OVCH1: variants seen among roughly 807,000 people sequenced by gnomAD.
OVCH1 encodes the protein ovochymase 1.
A neutral mutation model predicts 138.4 loss-of-function variants in OVCH1; 139 were observed. The ratio of observed to expected loss-of-function variants is 1.00; its 90% confidence interval spans 0.87 to 1.16. OVCH1 has a LOEUF of 1.16. Among genes scored for constraint, OVCH1 ranks in the 50% most tolerant of loss-of-function variants. OVCH1 has a pLI of 0.00. For missense variants in OVCH1, 1,367 were observed against 1,357.9 expected (o/e 1.01, Z -0.11); for synonymous variants, 453 against 467.8 (o/e 0.97, Z 0.41).
chr12:29,496,402 G>T lies in OVCH1; in HGVS notation c.184-124C>A. 5 of 1,122,724 alleles carry T rather than the reference G, an allele frequency of 4.5e-6. No individual in the cohort carries two copies. The Admixed American group carries it at 6.7e-5, about 15-fold the overall frequency. 69.5% of individuals were successfully genotyped at this position (1,122,724 alleles called of 1,614,324 possible). A position where few individuals can be genotyped will look rare whatever the true frequency, so the allele number is the denominator to read the frequency against. On this transcript the variant is annotated intron_variant, in intron 2 of 27. Transcript: ENST00000318184. ...ATTCTTAAAATACCGACATAAATTG[G>T]ATAGTAAGATAGTTCCTACGAAGTA...
intron 12 of OVCH1, among the ~76,000 whole-genome samples, chr12:29,476,787 A>G (rs937326954): frequency 2.9e-4 from 40 of 137,074 alleles, no homozygotes; most frequent in Admixed American, 2.1e-3. Context: ...ACACACACAC[A>G]CACACACACA....
intron 22 of OVCH1, among the ~76,000 whole-genome samples, chr12:29,448,383 G>T (rs1941676748): frequency 6.6e-6 from 1 of 151,800 alleles, no homozygotes; most frequent in Non-Finnish European, 1.5e-5. Flanking sequence ...GAACTGAGAA[G>T]TCTGGAGGCA....
rs147285692 is a variant in OVCH1 at position 29,474,108 on chromosome 12, TATA to T, written c.1600+950_1600+952del. Reference sequence around the variant, plus strand: ...ACACACACACACACACACACACATATATATATCTGTCCCTCTAAGAGAACCCTG... The same window carrying T: ...ACACACACACACACACACACACATATTATCTGTCCCTCTAAGAGAACCCTG... On this transcript the variant is annotated intron_variant, in intron 14 of 27. Coordinates refer to ENST00000318184, the Ensembl canonical transcript of OVCH1. Among the ~76,000 whole-genome samples the T allele has an allele frequency of 2.6e-4, 34 of 129,512 alleles. No homozygotes were observed. In the East Asian group the frequency reaches 4.6e-3, roughly 18 times the overall value. The allele number at this position is 129,512 out of a possible 152,430, so 85.0% of individuals were successfully genotyped here.
chr12:29,423,127 C>T, downstream of OVCH1: 1 of 425,498 alleles, frequency 2.4e-6, no homozygotes, highest in South Asian at 1.7e-5. Flanking sequence ...AATTACTTAC[C>T]ACTGATAGGA....
chr12:29,415,774 C>G (rs1036104779), intron 3 of OVCH1, among the ~76,000 whole-genome samples: 2 of 152,120 alleles, frequency 1.3e-5, no homozygotes, highest in Non-Finnish European at 2.9e-5. Flanking sequence ...AAAATCACAG[C>G]AAGGGCTGTT....
downstream of OVCH1, among the ~76,000 whole-genome samples, chr12:29,424,152 A>G (rs535020290): frequency 9.2e-5 from 14 of 152,338 alleles, no homozygotes; most frequent in African/African-American, 3.1e-4. Context: ...CATTGTTTCT[A>G]TAGATTATAG....
intron 16 of OVCH1, among the ~76,000 whole-genome samples, chr12:29,471,540 A>G (rs990540014): frequency 1.9e-4 from 29 of 152,236 alleles, no homozygotes; most frequent in African/African-American, 6.3e-4. Context: ...ACTACAGTAC[A>G]TTTAGACCAG....
intron 8 of OVCH1, among the ~76,000 whole-genome samples, chr12:29,483,099 T>TC (rs1428422539): frequency 6.6e-6 from 1 of 152,200 alleles, no homozygotes; most frequent in East Asian, 1.9e-4. Context: ...TCCCTCCTCC[T>TC]CTTCAGTCTT....
Position 29,475,199 on chromosome 12 carries a change from T to G in OVCH1, c.1472-10A>C. On this transcript the variant is annotated splice_polypyrimidine_tract_variant and intron_variant, in intron 13 of 27. Coordinates refer to ENST00000318184, the Ensembl canonical transcript of OVCH1. Reference sequence around the variant, plus strand: ...ATTCCACAAAGTTTAGCTGAAAAAATTTTAGGAAAGTTTGATTTATAGTTA... The same window carrying G: ...ATTCCACAAAGTTTAGCTGAAAAAAGTTTAGGAAAGTTTGATTTATAGTTA... 7.0e-7 allele frequency: 1 copy of G among 1,427,398 alleles called. No homozygotes were observed. Among genetic ancestry groups the G allele is most frequent in the Non-Finnish European group, 9.2e-7 (1 of 1,084,060 alleles). 88.4% of individuals were successfully genotyped at this position (1,427,398 alleles called of 1,614,324 possible).
chr12:29,465,835 T>G (rs1477580523), intron 16 of OVCH1, among the ~76,000 whole-genome samples: 1 of 151,906 alleles, frequency 6.6e-6, no homozygotes, highest in African/African-American at 2.4e-5. Context: ...TAAAAAAGAC[T>G]TGGAACCAAC....
intron 19 of OVCH1, among the ~76,000 whole-genome samples, chr12:29,456,727 A>G (rs1941961392): frequency 6.6e-6 from 1 of 152,198 alleles, no homozygotes; most frequent in Admixed American, 6.5e-5. Context: ...ATTTGAGGGT[A>G]AGCACTGCAT....
chr12:29,488,638 A>G (rs934516758), intron 6 of OVCH1, among the ~76,000 whole-genome samples: 1 of 151,132 alleles, frequency 6.6e-6, no homozygotes, highest in African/African-American at 2.4e-5. Flanking sequence ...AAAAAAAAAA[A>G]AAAAAGAAAG....
chr12:29,470,330 A>G (rs1378429737), intron 16 of OVCH1, among the ~76,000 whole-genome samples: 3 of 152,136 alleles, frequency 2.0e-5, no homozygotes, highest in Non-Finnish European at 4.4e-5. Context: ...CCTGTCGTCT[A>G]GGTTTTAAGC....
At chr12:29,437,572 A>G (rs763139347) in intron 26 of OVCH1, among the ~76,000 whole-genome samples, 24 of 152,190 alleles carry the variant, frequency 1.6e-4, no homozygotes, top group Non-Finnish European at 3.2e-4. Context: ...GTTTGCTGTA[A>G]CACTCATAGT....
downstream of OVCH1, chr12:29,427,437 T>C: frequency 8.1e-7 from 1 of 1,234,690 alleles, no homozygotes; most frequent in South Asian, 1.6e-5. Flanking sequence ...TAAGGAAGGC[T>C]ATTTAGATTG....
intron 21 of OVCH1, among the ~76,000 whole-genome samples, chr12:29,454,293 G>A (rs900595444): frequency 1.3e-5 from 2 of 152,138 alleles, no homozygotes; most frequent in African/African-American, 4.8e-5. Flanking sequence ...TATTGGGGAA[G>A]ATGTGGGCAA....
At position 29,473,315 on chromosome 12, in the gene OVCH1, C is replaced by T. The variant is rs574959795; in HGVS notation, c.1601-212G>A. ...GGCTCTTTTAAGCACTTCTTCCTTC[C>T]TTGGTTTCTTGATATTAATCTCATG... On this transcript the variant is annotated intron_variant, in intron 14 of 27. Transcript: ENST00000318184. 7.9e-5 allele frequency among the ~76,000 whole-genome samples: 12 copies of T among 152,148 alleles called. No individual in the cohort carries two copies. The South Asian group carries it at 1.7e-3, about 21-fold the overall frequency.
the OVCH1 span, among the ~76,000 whole-genome samples, chr12:29,404,315 G>A: frequency 5.3e-4 from 80 of 152,150 alleles, no homozygotes; most frequent in African/African-American, 1.8e-3. Flanking sequence ...GGCACATTGC[G>A]GTGGTCTTCC....
chr12:29,491,275 A>G, intron 4 of OVCH1, 83 bp from the exon 5 acceptor site: 2 of 1,176,966 alleles, frequency 1.7e-6, no homozygotes, highest in Non-Finnish European at 1.2e-6. Flanking sequence ...TCTTGATTTC[A>G]TGGCTTCTAC....
Sources: gnomAD v4.1 joint callset for allele counts (sites outside exome capture counted in the v4.1 genomes callset) on GRCh38, gnomAD v4.1.1 for gene constraint, MANE v1.5 for transcripts, NCBI Gene and HGNC (gene_info 2026-07-23, HGNC 2026-07-21) for gene names.